LTBP1: variants seen among roughly 807,000 people sequenced by gnomAD.
The protein encoded by LTBP1 is latent-transforming growth factor beta-binding protein 1.
A neutral mutation model predicts 207.6 loss-of-function variants in LTBP1; 129 were observed. That is an observed-to-expected ratio of 0.62 (90% CI 0.54 to 0.72). LTBP1 has a LOEUF of 0.72. Ranked by LOEUF, LTBP1 falls within the 30% of genes least tolerant of loss-of-function variation. The pLI is 0.00. For synonymous variants in LTBP1, 963 were observed against 833.7 expected, an observed-to-expected ratio of 1.16 and a Z score of -2.67; for missense variants, 2,281 against 2,217.2, an observed-to-expected ratio of 1.03 and a Z score of -0.58.
chr2:33,166,315 C>T (rs189313950), intron 5 of LTBP1, among the ~76,000 whole-genome samples: 25 of 152,140 alleles, frequency 1.6e-4, no homozygotes, highest in East Asian at 1.2e-3. Context: ...GAAAGAGAAA[C>T]GGGAGGAATA....
intron 24 of LTBP1, among the ~76,000 whole-genome samples, chr2:33,323,065 A>T (rs551121152): frequency 1.2e-4 from 19 of 152,294 alleles, no homozygotes; most frequent in Middle Eastern, 3.4e-3. Context: ...TGATAGGGTT[A>T]TGTCCTCATA....
At chr2:33,313,470 G>A (rs978782850) in intron 23 of LTBP1, among the ~76,000 whole-genome samples, 6 of 152,050 alleles carry the variant, frequency 3.9e-5, no homozygotes, top group Non-Finnish European at 8.8e-5. Context: ...GTGGCTAAGC[G>A]TGTTGTAGCA....
At chr2:33,218,465 C>A (rs1431257660) in intron 8 of LTBP1, among the ~76,000 whole-genome samples, 1 of 152,188 alleles carries the variant, frequency 6.6e-6, no homozygotes, top group Non-Finnish European at 1.5e-5. Flanking sequence ...GGGGCAACCT[C>A]GGCTCACTGC....
intron 24 of LTBP1, among the ~76,000 whole-genome samples, chr2:33,317,065 C>CT (rs2094285040): frequency 6.6e-6 from 1 of 152,172 alleles, no homozygotes; most frequent in Non-Finnish European, 1.5e-5. Context: ...ATTATTTTGT[C>CT]TTTTGCACTT....
intron 9 of LTBP1, among the ~76,000 whole-genome samples, chr2:33,234,409 G>A (rs1028254013): frequency 6.6e-6 from 1 of 152,106 alleles, no homozygotes; most frequent in Non-Finnish European, 1.5e-5. Flanking sequence ...ATAGACACGA[G>A]CATTCCTATA....
intron 19 of LTBP1, among the ~76,000 whole-genome samples, chr2:33,292,418 GC>G (rs1201241740): frequency 1.3e-5 from 2 of 152,188 alleles, no homozygotes; most frequent in Non-Finnish European, 1.5e-5. Flanking sequence ...TTTCTATGTG[GC>G]GTTGGGCTGG....
At position 32,970,616 on chromosome 2, in the gene LTBP1, A is replaced by G. The variant is rs192667555; in HGVS notation, c.565+21671A>G. Among the ~76,000 whole-genome samples the G allele has an allele frequency of 1.5e-3, 230 of 152,202 alleles. 2 individuals are homozygous for G. Among genetic ancestry groups the G allele is most frequent in the Non-Finnish European group, 1.2e-3 (82 of 67,990 alleles). ...GTTCTCTATTCTGGTCCATTGGTCT[A>G]TGTGTCTTTTTATAAAAGTACCATG... On this transcript the variant is annotated intron_variant, in intron 2 of 33. Transcript: ENST00000404816.
intron 22 of LTBP1, among the ~76,000 whole-genome samples, chr2:33,303,352 CT>C (rs762959638): frequency 0.031 from 4,121 of 132,882 alleles, 177 homozygotes; most frequent in African/African-American, 0.1. Flanking sequence ...GTTAGATTTT[CT>C]TTTTTTTTTT....
chr2:33,382,571 G>A (rs1204947742), intron 31 of LTBP1, among the ~76,000 whole-genome samples: 1 of 152,112 alleles, frequency 6.6e-6, no homozygotes, highest in Non-Finnish European at 1.5e-5. Flanking sequence ...ATAAGTTATT[G>A]CATGTGCCCT....
chr2:33,203,482 G>A (rs949125572), intron 7 of LTBP1, among the ~76,000 whole-genome samples: 11 of 152,162 alleles, frequency 7.2e-5, no homozygotes, highest in African/African-American at 2.7e-4. Flanking sequence ...TACCCTTCCT[G>A]CGGCCCAGTA....
At chr2:33,301,002 A>T (rs1429440338) in intron 21 of LTBP1, among the ~76,000 whole-genome samples, 1 of 152,240 alleles carries the variant, frequency 6.6e-6, no homozygotes, top group Non-Finnish European at 1.5e-5. Flanking sequence ...TTTTAAAAAA[A>T]TCGCTAAAGA....
intron 19 of LTBP1, among the ~76,000 whole-genome samples, chr2:33,282,235 C>T (rs551270545): frequency 2.0e-5 from 3 of 151,962 alleles, no homozygotes; most frequent in Non-Finnish European, 4.4e-5. Flanking sequence ...TTTGTTTTTG[C>T]GTTGCTGAGG....
intron 26 of LTBP1, among the ~76,000 whole-genome samples, chr2:33,350,261 A>C (rs905862748): frequency 1.3e-5 from 2 of 152,350 alleles, no homozygotes; most frequent in South Asian, 2.1e-4. Context: ...CTCCCCCAGG[A>C]CAATCTATAT....
intron 24 of LTBP1, among the ~76,000 whole-genome samples, chr2:33,338,881 A>G (rs1172650550): frequency 6.6e-6 from 1 of 152,206 alleles, no homozygotes; most frequent in Non-Finnish European, 1.5e-5. Context: ...GTGGCCAGAC[A>G]TATAGGCAGG....
intron 5 of LTBP1, among the ~76,000 whole-genome samples, chr2:33,181,894 A>G (rs1377552782): frequency 6.6e-6 from 1 of 152,224 alleles, no homozygotes; most frequent in African/African-American, 2.4e-5. Context: ...AAACAGAAGG[A>G]AACTATTCAT....
chr2:33,218,185 C>A (rs1390085371), intron 8 of LTBP1, among the ~76,000 whole-genome samples: 5 of 152,098 alleles, frequency 3.3e-5, no homozygotes, highest in Non-Finnish European at 5.9e-5. Context: ...CAATTCTTTC[C>A]CATTTTTTCT....
intron 24 of LTBP1, chr2:33,317,641 A>G (rs2094291893): frequency 1.3e-5 from 2 of 152,234 alleles, no homozygotes; most frequent in African/African-American, 4.8e-5. Context: ...ACTTGAATTA[A>G]CACTGAGAAG....
At chr2:33,197,476 G>A (rs1315704549) in intron 7 of LTBP1, among the ~76,000 whole-genome samples, 1 of 152,144 alleles carries the variant, frequency 6.6e-6, no homozygotes, top group Non-Finnish European at 1.5e-5. Flanking sequence ...CATCTCTGAG[G>A]AGAGGCCAAG....
Position 33,135,109 on chromosome 2 carries a change from A to C in LTBP1, c.1201+149A>C. ...TATGTTTCTTTCATGGGATCTTTTA[A>C]ATTGCTTTTGGAATAATTTTTAACC... On this transcript the variant is annotated intron_variant, in intron 5 of 33. Transcript: ENST00000404816. 5 of 853,968 alleles carry C rather than the reference A, an allele frequency of 5.9e-6. No homozygotes were observed. In the South Asian group the frequency reaches 8.9e-5, roughly 15 times the overall value. The allele number at this position is 853,968 out of a possible 1,614,324, so 52.9% of individuals were successfully genotyped here.
Sources: allele counts gnomAD v4.1 joint callset (sites outside exome capture counted in the v4.1 genomes callset), GRCh38; gene constraint gnomAD v4.1.1; transcripts MANE v1.5; gene names NCBI Gene and HGNC (gene_info 2026-07-23, HGNC 2026-07-21).